Variants in HMCN1 observed in about 807,000 individuals in gnomAD.
HMCN1 encodes hemicentin 1, also known as hemicentin-1.
Under a neutral mutation model 625.9 loss-of-function variants are expected in HMCN1, and 321 were observed. The ratio of observed to expected loss-of-function variants is 0.51; its 90% confidence interval spans 0.47 to 0.56. The LOEUF is 0.56. HMCN1 is among the 20% of genes least tolerant of loss of function. HMCN1 has a pLI of 0.00. For missense variants in HMCN1, 6,588 were observed against 6,887.3 expected (o/e 0.96, Z 1.54); for synonymous variants, 2,425 against 2,417.6 (o/e 1.00, Z -0.09).
At chr1:185,903,692 G>T (rs1229904450) in intron 4 of HMCN1, among the ~76,000 whole-genome samples, 1 of 151,728 alleles carries the variant, frequency 6.6e-6, no homozygotes, top group African/African-American at 2.4e-5. Context: ...TGGTGGATTA[G>T]CTAAATCTGC....
chr1:186,065,784 T>C (rs1174368210), intron 49 of HMCN1, among the ~76,000 whole-genome samples: 1 of 152,150 alleles, frequency 6.6e-6, no homozygotes, highest in Non-Finnish European at 1.5e-5. Flanking sequence ...TAGCCATTAT[T>C]GGAAATTGGC....
chr1:186,117,548 T>C lies in HMCN1; in HGVS notation c.11773T>C (p.Phe3925Leu), dbSNP rs1315457245. The change falls in exon 77 of 107, where the codon TTT becomes CTT. Residue 3925 changes from phenylalanine (F) to leucine (L), a missense_variant. By Grantham distance (22) the Phe-to-Leu change is conservative. Around this residue, in one of 3 missense-constraint regions of HMCN1, gnomAD observed 4,628 missense variants for 4,853.1 expected, o/e 0.95. Coordinates refer to ENST00000271588, the MANE Select transcript of HMCN1 (RefSeq NM_031935.3). Reference protein sequence around the residue: ...VITCTASGVPFPSIHWTKNGI... With the variant: ...VITCTASGVPLPSIHWTKNGI... ...TACCTGCACTGCTTCGGGAGTTCCATTTCCCTCAATTCACTGGACCAAAAA... is the reference window on the plus strand; with the variant it reads ...TACCTGCACTGCTTCGGGAGTTCCACTTCCCTCAATTCACTGGACCAAAAA... The C allele has an allele frequency of 6.2e-7, 1 of 1,613,868 alleles. No individual in the cohort carries two copies. Among genetic ancestry groups the C allele is most frequent in the East Asian group, 2.2e-5 (1 of 44,856 alleles).
chr1:185,766,213 G>A (rs1655859222), intron 1 of HMCN1, among the ~76,000 whole-genome samples: 1 of 152,076 alleles, frequency 6.6e-6, no homozygotes, highest in African/African-American at 2.4e-5. Flanking sequence ...AAATGTTTTT[G>A]ATGAATACCT....
chr1:185,762,078 A>G (rs1284320407), intron 1 of HMCN1, among the ~76,000 whole-genome samples: 1 of 152,170 alleles, frequency 6.6e-6, no homozygotes, highest in African/African-American at 2.4e-5. Context: ...TACTTTGTGC[A>G]ATTTGCACTC....
At chr1:185,996,052 T>G (rs1652765312) in intron 24 of HMCN1, among the ~76,000 whole-genome samples, 1 of 152,134 alleles carries the variant, frequency 6.6e-6, no homozygotes, top group African/African-American at 2.4e-5. Context: ...TCCTGTTCAT[T>G]CCACAAACTT....
At chr1:185,956,908 G>A (rs1649668825) in intron 11 of HMCN1, among the ~76,000 whole-genome samples, 1 of 152,186 alleles carries the variant, frequency 6.6e-6, no homozygotes, top group Non-Finnish European at 1.5e-5. Flanking sequence ...ATGGGACAAA[G>A]ACAAAATATA....
intron 71 of HMCN1, among the ~76,000 whole-genome samples, chr1:186,111,438 C>T (rs956477148): frequency 6.6e-6 from 1 of 151,994 alleles, no homozygotes; most frequent in Non-Finnish European, 1.5e-5. Context: ...TGCTTAAGGA[C>T]AAGGGTTCAA....
chr1:186,137,845 A>G lies in HMCN1; in HGVS notation c.13797A>G (p.Thr4599=), dbSNP rs1009492571. ...WSEWSLWEEC[T]RSCGRGNQTR... is the part of the protein sequence containing the mutation. ...AATGGAGTCTTTGGGAAGAATGCAC[A>G]AGGAGCTGTGGACGCGGCAACCAAA... Residue 4599 remains threonine (T), a synonymous_variant, in exon 89 of 107, where the codon ACA becomes ACG. Coordinates refer to ENST00000271588, the MANE Select transcript of HMCN1 (RefSeq NM_031935.3). The G allele has an allele frequency of 1.2e-6, 2 of 1,613,978 alleles. No individual in the cohort carries two copies. Among genetic ancestry groups the G allele is most frequent in the Non-Finnish European group, 1.7e-6 (2 of 1,179,992 alleles).
chr1:185,767,187 A>C (rs1289840334), intron 1 of HMCN1, among the ~76,000 whole-genome samples: 1 of 152,124 alleles, frequency 6.6e-6, no homozygotes, highest in Non-Finnish European at 1.5e-5. Flanking sequence ...TACATTCTAG[A>C]TTGTCGATAT....
At chr1:186,110,977 C>CTTTTTTTTTTTTTTTGTTTTT (rs1660849744) in intron 71 of HMCN1, among the ~76,000 whole-genome samples, 1 of 61,648 alleles carries the variant, frequency 1.6e-5, no homozygotes, top group Non-Finnish European at 2.7e-5. Flanking sequence ...AGAGAAAATT[C>CTTTTTTTTTTTTTTTGTTTTT]TTTTTTTTTT....
In HMCN1 at chr1:185,942,663, C is replaced by G. The variant is rs541928338; in HGVS notation, c.1828+8839C>G. On this transcript the variant is annotated intron_variant, in intron 11 of 106. Coordinates refer to ENST00000271588, the MANE Select transcript of HMCN1 (RefSeq NM_031935.3). ...AAATTTTTTTTTCCACACCAACAAC[C>G]AAATCTCCAACTCTCTAGGCCCCAA... Among the ~76,000 whole-genome samples the G allele has an allele frequency of 2.4e-3, 369 of 152,138 alleles. 1 individual carries two copies. Among genetic ancestry groups the G allele is most frequent in the Admixed American group, 4.1e-3 (62 of 15,276 alleles).
In HMCN1 at chr1:186,082,949, CTCAATGT is replaced by C; in HGVS notation, c.8876_8882del (p.Asn2959MetfsTer18). The stretch of plus-strand genomic sequence containing the variant: ...TGGGAGTGCCAAAAAATATTTTAAC[CTCAATGT>C]TCATGGTAAGAGCTCAGTTCCAAAA... On this transcript the variant is annotated frameshift_variant, in exon 57 of 107. Transcript: ENST00000271588. LOFTEE classifies it high-confidence loss of function. 1.3e-6 allele frequency: 2 copies of C among 1,585,204 alleles called. No homozygotes were observed. The highest frequency in any genetic ancestry group is 1.7e-6 in the Non-Finnish European group (2 of 1,161,526).
chr1:186,078,696 G>A (rs1482237960), intron 55 of HMCN1, among the ~76,000 whole-genome samples: 1 of 152,154 alleles, frequency 6.6e-6, no homozygotes, highest in African/African-American at 2.4e-5. Context: ...TGAAGCCCTA[G>A]AATTGAATTT....
intron 1 of HMCN1, among the ~76,000 whole-genome samples, chr1:185,737,534 T>A (rs1333807140): frequency 1.3e-5 from 2 of 152,234 alleles, no homozygotes; most frequent in Non-Finnish European, 2.9e-5. Context: ...TATCCTCAAC[T>A]ATATAAATTG....
intron 1 of HMCN1, among the ~76,000 whole-genome samples, chr1:185,757,078 G>A (rs550303205): frequency 2.0e-5 from 3 of 152,060 alleles, no homozygotes; most frequent in Non-Finnish European, 2.9e-5. Context: ...GGGTTCAAGC[G>A]ATTCTCCTGC....
chr1:186,013,403 T>A (rs770338408), intron 30 of HMCN1, among the ~76,000 whole-genome samples: 28 of 152,332 alleles, frequency 1.8e-4, no homozygotes, highest in Middle Eastern at 3.4e-3. Context: ...TAAAAATGAT[T>A]CTATCGTCGA....
intron 23 of HMCN1, among the ~76,000 whole-genome samples, chr1:185,994,576 A>G (rs1652655314): frequency 6.6e-6 from 1 of 152,056 alleles, no homozygotes; most frequent in Non-Finnish European, 1.5e-5. Context: ...ATTTCCTGTA[A>G]TCCTTGCAGT....
Position 186,151,430 on chromosome 1 carries a change from T to C in HMCN1, c.14758+81T>C, listed in dbSNP as rs1650658621. 3 of 1,392,816 alleles carry C rather than the reference T, an allele frequency of 2.2e-6. No individual in the cohort carries two copies. The African/African-American group carries it at 4.3e-5, about 20-fold the overall frequency. The allele number at this position is 1,392,816 out of a possible 1,614,324, so 86.3% of individuals were successfully genotyped here. A position where few individuals can be genotyped will look rare whatever the true frequency, so the allele number is the denominator to read the frequency against. ...TTACTTCCATTAAAGTTCTAGAGAA[T>C]GCTACTACTAACTCATAAGTATGGT... is the stretch of plus-strand genomic sequence containing the variant. On this transcript the variant is annotated intron_variant, in intron 94 of 106. Transcript: ENST00000271588.
chr1:186,037,780 G>T (rs918645970), intron 36 of HMCN1, among the ~76,000 whole-genome samples, 154 bp from the exon 37 acceptor site: 2 of 151,862 alleles, frequency 1.3e-5, no homozygotes, highest in African/African-American at 4.8e-5. Context: ...CTGTTCTTCA[G>T]TCTATTTAAT....
Sources: gnomAD v4.1 joint callset for allele counts (sites outside exome capture counted in the v4.1 genomes callset) on GRCh38, gnomAD v4.1.1 for gene constraint, gnomAD v4.1.1 regional missense constraint, MANE v1.5 for transcripts, NCBI Gene and HGNC (gene_info 2026-07-23, HGNC 2026-07-21) for gene names.